RCOR1: variants seen among roughly 807,000 people sequenced by gnomAD.
The protein encoded by RCOR1 is REST corepressor.
A neutral mutation model predicts 64.0 loss-of-function variants in RCOR1; 12 were observed. The observed-to-expected ratio is 0.19, with a 90% CI of 0.12 to 0.30. RCOR1 has a LOEUF of 0.30. RCOR1 is among the 10% of genes least tolerant of loss of function. The pLI, the probability that RCOR1 is intolerant of heterozygous loss-of-function variation, is 1.00. For missense variants in RCOR1, 502 were observed against 621.2 expected (o/e 0.81, Z 2.04); for synonymous variants, 279 against 227.2 (o/e 1.23, Z -2.05).
chr14:102,716,816 C>T lies in RCOR1; in HGVS notation c.1053+2199C>T, dbSNP rs536089539. On this transcript the variant is annotated intron_variant, in intron 8 of 11. Transcript: ENST00000262241. Reference sequence around the variant, plus strand: ...TGTCTTGGTTATCCCTGGCCTTTTACTTTCCATATAAAATTTAGAATTACT... The same window carrying T: ...TGTCTTGGTTATCCCTGGCCTTTTATTTTCCATATAAAATTTAGAATTACT... Among the ~76,000 whole-genome samples, 152 of 152,254 alleles carry T rather than the reference C, an allele frequency of 1.0e-3. 1 individual carries two copies. Among genetic ancestry groups the T allele is most frequent in the Middle Eastern group, 3.4e-3 (1 of 294 alleles).
chr14:102,658,009 C>G, intron 2 of RCOR1: 3 of 917,338 alleles, frequency 3.3e-6, no homozygotes, highest in Non-Finnish European at 3.9e-6. Flanking sequence ...GAGTCTTGCT[C>G]TGTTGCCCAG....
chr14:102,665,204 C>T (rs750041138), intron 2 of RCOR1, among the ~76,000 whole-genome samples: 2 of 151,974 alleles, frequency 1.3e-5, no homozygotes, highest in Non-Finnish European at 2.9e-5. Context: ...AGAGTTTCTC[C>T]ATGTTGGTCA....
At chr14:102,637,137 T>TA (rs1447007502) in intron 2 of RCOR1, among the ~76,000 whole-genome samples, 29 of 151,080 alleles carry the variant, frequency 1.9e-4, no homozygotes, top group African/African-American at 3.4e-4. Flanking sequence ...TTTTATTTTT[T>TA]TTTTTTTGAG....
chr14:102,617,119 G>A (rs1893776764), intron 2 of RCOR1, among the ~76,000 whole-genome samples: 1 of 152,168 alleles, frequency 6.6e-6, no homozygotes, highest in African/African-American at 2.4e-5. Flanking sequence ...TAGCAGAAAT[G>A]TAAAGTGTAG....
chr14:102,708,644 C>T, intron 6 of RCOR1, 61 bp downstream of exon 6: 1 of 910,724 alleles, frequency 1.1e-6, no homozygotes, highest in Non-Finnish European at 1.8e-6. Flanking sequence ...GCCCCAGATA[C>T]ACAAAGGCAA....
intron 2 of RCOR1, among the ~76,000 whole-genome samples, chr14:102,641,306 T>G (rs1253144212): frequency 1.3e-5 from 2 of 150,880 alleles, no homozygotes; most frequent in Non-Finnish European, 3.0e-5. Flanking sequence ...CAATAATAAA[T>G]AATATTTATG....
intron 3 of RCOR1, among the ~76,000 whole-genome samples, chr14:102,691,778 A>G (rs1047724284): frequency 1.3e-5 from 2 of 152,206 alleles, no homozygotes; most frequent in Admixed American, 1.3e-4. Flanking sequence ...TCTAATCTGT[A>G]TCTTTATACA....
Position 102,643,916 on chromosome 14 carries a change from T to A in RCOR1, c.362-37979T>A, listed in dbSNP as rs144737429. Reference sequence around the variant, plus strand: ...TTTGGGAGAAAACTGGCCCAGATGCTAACAATTGAGTGTTACCCTGTATTC... The same window carrying A: ...TTTGGGAGAAAACTGGCCCAGATGCAAACAATTGAGTGTTACCCTGTATTC... On this transcript the variant is annotated intron_variant, in intron 2 of 11. Transcript: ENST00000262241. Among the ~76,000 whole-genome samples the A allele has an allele frequency of 3.9e-5, 6 of 152,362 alleles. No homozygotes were observed. In the East Asian group the frequency reaches 1.2e-3, roughly 29 times the overall value.
rs187242145 is a variant in RCOR1, at chr14:102,599,917, C to A, written c.361+6592C>A. ...CTCCCAGACTCAAGTGATCCTCCCC[C>A]CTCAGCCTCATCAGTTGCTGGGAAT... On this transcript the variant is annotated intron_variant, in intron 2 of 11. Coordinates refer to ENST00000262241, the MANE Select transcript of RCOR1 (RefSeq NM_015156.4). Among the ~76,000 whole-genome samples, 252 of 152,014 alleles carry A rather than the reference C, an allele frequency of 1.7e-3. 1 individual carries two copies. The highest frequency in any genetic ancestry group is 5.5e-3 in the African/African-American group (230 of 41,476).
chr14:102,637,333 GT>G (rs1894264558), intron 2 of RCOR1, among the ~76,000 whole-genome samples: 5 of 151,942 alleles, frequency 3.3e-5, no homozygotes, highest in Admixed American at 3.3e-4. Context: ...TACTATGTTG[GT>G]GAGGCTGGTC....
intron 2 of RCOR1, among the ~76,000 whole-genome samples, chr14:102,625,153 G>A (rs1244299431): frequency 2.0e-5 from 3 of 152,000 alleles, no homozygotes; most frequent in African/African-American, 7.2e-5. Flanking sequence ...GGGATTACGG[G>A]CGTGAACCAC....
intron 2 of RCOR1, among the ~76,000 whole-genome samples, chr14:102,664,552 T>G (rs935682175): frequency 2.1e-4 from 32 of 152,194 alleles, no homozygotes; most frequent in Non-Finnish European, 4.3e-4. Context: ...TAAAGAGAGA[T>G]ACAAGAAGAG....
chr14:102,604,715 A>T (rs1893469434), intron 2 of RCOR1, among the ~76,000 whole-genome samples: 1 of 152,180 alleles, frequency 6.6e-6, no homozygotes, highest in Non-Finnish European at 1.5e-5. Context: ...GTATTATAAG[A>T]ATTCTGATTT....
At chr14:102,684,005 G>A (rs1305085080) in intron 3 of RCOR1, among the ~76,000 whole-genome samples, 1 of 152,214 alleles carries the variant, frequency 6.6e-6, no homozygotes. Context: ...AGCCCCCGCA[G>A]CTCTGACCGT....
chr14:102,712,444 G>A (rs938034615), intron 7 of RCOR1, among the ~76,000 whole-genome samples: 4 of 151,640 alleles, frequency 2.6e-5, no homozygotes, highest in East Asian at 1.9e-4. Context: ...ATTTGTATAC[G>A]TAGCTATATA....
Position 102,706,444 on chromosome 14 carries a change from CTTTAAA to C in RCOR1, c.499-900_499-895del, listed in dbSNP as rs1179134937. ...TTATAATAATATCAGTCAAAATAGA[CTTTAAA>C]TTTAAACAGGTTGTAAGAGACAAGG... is the stretch of plus-strand genomic sequence containing the variant. On this transcript the variant is annotated intron_variant, in intron 4 of 11. Transcript: ENST00000262241. Among the ~76,000 whole-genome samples, 20 of 152,184 alleles carry C rather than the reference CTTTAAA, an allele frequency of 1.3e-4. No homozygotes were observed. In the East Asian group the frequency reaches 3.3e-3, roughly 25 times the overall value.
chr14:102,609,880 C>T (rs1372129979), intron 2 of RCOR1, among the ~76,000 whole-genome samples: 1 of 151,766 alleles, frequency 6.6e-6, no homozygotes, highest in East Asian at 1.9e-4. Context: ...TGGCTCACCC[C>T]TGTAATCCCA....
At chr14:102,713,728 A>G (rs1896007391) in intron 7 of RCOR1, among the ~76,000 whole-genome samples, 1 of 152,250 alleles carries the variant, frequency 6.6e-6, no homozygotes, top group Non-Finnish European at 1.5e-5. Flanking sequence ...AGAAATTATC[A>G]CTACCATTAT....
At chr14:102,705,533 C>A (rs992231160) in intron 4 of RCOR1, among the ~76,000 whole-genome samples, 1 of 152,180 alleles carries the variant, frequency 6.6e-6, no homozygotes, top group African/African-American at 2.4e-5. Flanking sequence ...CAGCCTCAAA[C>A]CCCTGGGCTC....
Sources: allele counts gnomAD v4.1 joint callset (sites outside exome capture counted in the v4.1 genomes callset), GRCh38; gene constraint gnomAD v4.1.1; transcripts MANE v1.5; gene names NCBI Gene and HGNC (gene_info 2026-07-23, HGNC 2026-07-21).